DCX: variants seen among roughly 807,000 people sequenced by gnomAD.
DCX encodes doublecortin.
DCX carries 4 observed loss-of-function variants against 20.9 expected under a neutral mutation model. That is an observed-to-expected ratio of 0.19 (90% confidence interval 0.09 to 0.44). The LOEUF is 0.44. Ranked by LOEUF, DCX falls within the 20% of genes least tolerant of loss-of-function variation. DCX has a pLI of 0.99. For synonymous variants in DCX, 103 were observed against 111.4 expected (o/e 0.92, Z 0.47); for missense variants, 133 against 296.9 (o/e 0.45, Z 4.06).
At position 111,386,179 on chromosome X, in the gene DCX, T is replaced by TTTTC. The variant is rs1407942162; in HGVS notation, c.705+14807_705+14810dup. On this transcript the variant is annotated intron_variant, in intron 3 of 6. Transcript: ENST00000636035. Reference sequence around the variant, plus strand: ...CTATTGATTGATTTAAACAATTTTTTTTTCTTTGCTTGGCAAGATGGGAAG... The same window carrying TTTTC: ...CTATTGATTGATTTAAACAATTTTTTTTTCTTTCTTTGCTTGGCAAGATGGGAAG... 1.4e-4 allele frequency among the ~76,000 whole-genome samples: 15 copies of TTTTC among 110,922 alleles called. 1 individual carries two copies. In the East Asian group the frequency reaches 4.0e-3, roughly 30 times the overall value.
At chrX:111,340,898 A>T (rs773330098) in intron 3 of DCX, among the ~76,000 whole-genome samples, 1 of 111,588 alleles carries the variant, frequency 9.0e-6, no homozygotes, top group African/African-American at 3.3e-5. Flanking sequence ...AGCCTCAAAG[A>T]TCGAAACTAG....
intron 4 of DCX, among the ~76,000 whole-genome samples, chrX:111,331,977 A>T (rs747052100): frequency 4.1e-4 from 46 of 112,701 alleles, no homozygotes; most frequent in Non-Finnish European, 7.9e-4. Context: ...TTGTGCTGTG[A>T]TGCACAAAGG....
intron 3 of DCX, among the ~76,000 whole-genome samples, chrX:111,341,200 A>G (rs1353595773): frequency 9.1e-6 from 1 of 109,900 alleles, no homozygotes; most frequent in Admixed American, 9.8e-5. Flanking sequence ...GGAGCTGAAC[A>G]ACACAGCACG....
intron 3 of DCX, among the ~76,000 whole-genome samples, chrX:111,368,392 C>T (rs973924418): frequency 9.0e-6 from 1 of 111,722 alleles, no homozygotes; most frequent in Non-Finnish European, 1.9e-5. Flanking sequence ...AGAAAGCAAC[C>T]GTAGTCTGAG....
intron 6 of DCX, among the ~76,000 whole-genome samples, chrX:111,308,843 AAG>A (rs1051468773): frequency 9.0e-6 from 1 of 111,313 alleles, no homozygotes; most frequent in African/African-American, 3.3e-5. Flanking sequence ...AAATAAATGA[AAG>A]AGTTTCCTTA....
At chrX:111,339,752 C>A (rs892620970) in intron 3 of DCX, among the ~76,000 whole-genome samples, 1 of 111,842 alleles carries the variant, frequency 8.9e-6, no homozygotes, top group Non-Finnish European at 1.9e-5. Context: ...TGATAGGCAT[C>A]CCATGTTTAA....
At position 111,298,187 on chromosome X, in the gene DCX, T is replaced by G. The variant is rs2095025749; in HGVS notation, c.*3500A>C. 8.9e-6 allele frequency: 1 copy of G among 111,832 alleles called. No homozygotes were observed. The highest frequency in any genetic ancestry group is 3.3e-5 in the African/African-American group (1 of 30,752). 9.2% of individuals were successfully genotyped at this position (111,832 alleles called of 1,213,427 possible). A position where few individuals can be genotyped will look rare whatever the true frequency, so the allele number is the denominator to read the frequency against. On this transcript the variant is annotated 3_prime_UTR_variant, in exon 7 of 7. Coordinates refer to ENST00000636035, the MANE Select transcript of DCX (RefSeq NM_001195553.2). ...CATTATGAGATGACACAAGGTGAACTGATGGAGAAAATCAATCTTCCTCCA... is the reference window on the plus strand; with the variant it reads ...CATTATGAGATGACACAAGGTGAACGGATGGAGAAAATCAATCTTCCTCCA...
chrX:111,385,320 T>C lies in DCX; in HGVS notation c.705+15670A>G, dbSNP rs147581340. Among the ~76,000 whole-genome samples, 539 of 112,281 alleles carry C rather than the reference T, an allele frequency of 4.8e-3. 2 individuals carry two copies. The highest frequency in any genetic ancestry group is 0.017 in the African/African-American group (514 of 30,879). On this transcript the variant is annotated intron_variant, in intron 3 of 6. Coordinates refer to ENST00000636035, the MANE Select transcript of DCX (RefSeq NM_001195553.2). The stretch of plus-strand genomic sequence containing the variant: ...TTTTTTGTCCTGTTTAAAAAACCTA[T>C]AGCTTGCTGACCTCTGATTTATTGT...
chrX:111,370,084 C>T (rs1440328223), intron 3 of DCX, among the ~76,000 whole-genome samples: 1 of 111,896 alleles, frequency 8.9e-6, no homozygotes, highest in Admixed American at 9.5e-5. Flanking sequence ...TTCCCCAAAA[C>T]ATACCCAAAG....
chrX:111,339,106 C>A (rs142682833), intron 3 of DCX, among the ~76,000 whole-genome samples: 113 of 112,384 alleles, frequency 1.0e-3, no homozygotes, highest in African/African-American at 1.8e-3. Context: ...TTGCTAGATT[C>A]TTTTCCTTTT....
At chrX:111,398,941 C>T (rs762525081) in intron 3 of DCX, among the ~76,000 whole-genome samples, 24 of 110,628 alleles carry the variant, frequency 2.2e-4, no homozygotes, top group Admixed American at 4.8e-4. Flanking sequence ...AGTGAAAACC[C>T]GTTTCTACTA....
chrX:111,334,855 T>C (rs1921580219), intron 3 of DCX, among the ~76,000 whole-genome samples: 1 of 111,977 alleles, frequency 8.9e-6, no homozygotes, highest in South Asian at 3.8e-4. Flanking sequence ...GGATTATCTG[T>C]TGGTGCTGTG....
intron 3 of DCX, among the ~76,000 whole-genome samples, chrX:111,384,892 G>A (rs1482670044): frequency 8.9e-6 from 1 of 112,429 alleles, no homozygotes; most frequent in Non-Finnish European, 1.9e-5. Flanking sequence ...CATTGTGGAA[G>A]GAACTTTTGG....
Position 111,299,874 on chromosome X carries a change from C to T in DCX, c.*1813G>A, listed in dbSNP as rs1258920422. 9.0e-6 allele frequency: 1 copy of T among 111,243 alleles called. No individual in the cohort carries two copies. Among genetic ancestry groups the T allele is most frequent in the African/African-American group, 3.3e-5 (1 of 30,530 alleles). 9.2% of individuals were successfully genotyped at this position (111,243 alleles called of 1,213,427 possible). ...GCTTGTCTAGGGGCATCTGAGCTAC[C>T]CCACCACCACTGGGTTCCCCCCTAC... On this transcript the variant is annotated 3_prime_UTR_variant, in exon 7 of 7. Transcript: ENST00000636035.
At position 111,299,370 on chromosome X, in the gene DCX, T is replaced by C. The variant is rs755794216; in HGVS notation, c.*2317A>G. ...ATTTGGTATTTTCTAGTAGTACATA[T>C]ACCGCAATCAAGGAAATACTCAGAG... On this transcript the variant is annotated 3_prime_UTR_variant, in exon 7 of 7. Coordinates refer to ENST00000636035, the MANE Select transcript of DCX (RefSeq NM_001195553.2). 8.9e-6 allele frequency: 1 copy of C among 111,762 alleles called. No individual in the cohort carries two copies. Among genetic ancestry groups the C allele is most frequent in the African/African-American group, 3.3e-5 (1 of 30,759 alleles). 9.2% of individuals were successfully genotyped at this position (111,762 alleles called of 1,213,427 possible). A position where few individuals can be genotyped will look rare whatever the true frequency, so the allele number is the denominator to read the frequency against.
intron 5 of DCX, among the ~76,000 whole-genome samples, chrX:111,313,006 T>C (rs1299531029): frequency 8.9e-6 from 1 of 111,891 alleles, no homozygotes; most frequent in East Asian, 2.8e-4. Flanking sequence ...GTCTGTTTCT[T>C]TTCAAACATT....
intron 3 of DCX, among the ~76,000 whole-genome samples, chrX:111,348,744 G>C (rs745805955): frequency 1.2e-4 from 13 of 110,498 alleles, no homozygotes; most frequent in Non-Finnish European, 1.5e-4. Context: ...TAAAATAAGA[G>C]AGTGTGCTTG....
intron 3 of DCX, among the ~76,000 whole-genome samples, chrX:111,365,166 T>C (rs1259051394): frequency 9.2e-6 from 1 of 109,289 alleles, no homozygotes; most frequent in Non-Finnish European, 1.9e-5. Flanking sequence ...GTGATCCACC[T>C]GCCTCCACCT....
rs1024617935 is a variant in DCX, at chrX:111,295,639, C to T, written c.*6048G>A. 8.9e-6 allele frequency: 1 copy of T among 111,910 alleles called. No individual in the cohort carries two copies. Among genetic ancestry groups the T allele is most frequent in the South Asian group, 3.8e-4 (1 of 2,666 alleles). The allele number at this position is 111,910 out of a possible 1,213,427, so 9.2% of individuals were successfully genotyped here. On this transcript the variant is annotated 3_prime_UTR_variant, in exon 7 of 7. Coordinates refer to ENST00000636035, the MANE Select transcript of DCX (RefSeq NM_001195553.2). ...ATTGCAGCTTTAAAAATTATGGGCA[C>T]ATCAAACAAAATCAATTATTAGTAT...
Sources: allele counts gnomAD v4.1 joint callset (sites outside exome capture counted in the v4.1 genomes callset), GRCh38; gene constraint gnomAD v4.1.1; transcripts MANE v1.5; gene names NCBI Gene and HGNC (gene_info 2026-07-23, HGNC 2026-07-21).